The following PLXNC1 variants were observed in gnomAD, a reference collection of about 807,000 sequenced individuals.
PLXNC1 encodes plexin-C1.
PLXNC1 carries 75 observed loss-of-function variants against 178.2 expected under a neutral mutation model. The ratio of observed to expected loss-of-function variants is 0.42; its 90% CI spans 0.35 to 0.51. PLXNC1 has a LOEUF of 0.51. Among genes scored for constraint, PLXNC1 ranks in the 20% least tolerant of loss-of-function variants. PLXNC1 has a pLI of 0.02. For missense variants in PLXNC1, 1,503 were observed against 1,984.4 expected, an observed-to-expected ratio of 0.76 and a Z score of 4.61; for synonymous variants, 790 against 779.9, an observed-to-expected ratio of 1.01 and a Z score of -0.22.
In PLXNC1 at chr12:94,260,532, C is replaced by T. The variant is rs1032162271; in HGVS notation, c.3252-110C>T. 1.5e-6 allele frequency: 1 copy of T among 648,034 alleles called. No homozygotes were observed. 40.1% of individuals were successfully genotyped at this position (648,034 alleles called of 1,614,324 possible). On this transcript the variant is annotated intron_variant, in intron 19 of 30. Coordinates refer to ENST00000258526, the MANE Select transcript of PLXNC1 (RefSeq NM_005761.3). The surrounding 1 kb of genome is among the most constrained non-coding windows in gnomAD (Gnocchi z 4.4). ...ATTAAAAAAAAAAAAAAAAAAGCTC[C>T]CAACCCAACAGGCCAGCTCCCTGCC...
chr12:94,265,851 C>G, intron 21 of PLXNC1, among the ~76,000 whole-genome samples: 1 of 152,080 alleles, frequency 6.6e-6, no homozygotes, highest in Non-Finnish European at 1.5e-5. Flanking sequence ...CCCCACCGCA[C>G]CCACCCCATG....
In PLXNC1 at chr12:94,218,982, G is replaced by A. The variant is rs569758008; in HGVS notation, c.1555-1034G>A. On this transcript the variant is annotated intron_variant, in intron 5 of 30. Transcript: ENST00000258526. ...AAGAGAAACAGATGAAAAAAGTCAT[G>A]TGTTTGGATGGGAATAATTAATATC... Among the ~76,000 whole-genome samples the A allele has an allele frequency of 3.1e-4, 47 of 152,302 alleles. No homozygotes were observed. The South Asian group carries it at 5.2e-3, about 17-fold the overall frequency.
At chr12:94,231,901 C>T (rs1276843714) in intron 9 of PLXNC1, among the ~76,000 whole-genome samples, 1 of 152,142 alleles carries the variant, frequency 6.6e-6, no homozygotes, top group Admixed American at 6.6e-5. Flanking sequence ...GATAGTTCCC[C>T]TCTCTTTTGT....
intron 3 of PLXNC1, among the ~76,000 whole-genome samples, chr12:94,184,127 T>C (rs1458876347): frequency 3.4e-5 from 5 of 147,440 alleles, no homozygotes; most frequent in Non-Finnish European, 6.0e-5. Flanking sequence ...CTCTCTCTCT[T>C]TTTTTTTTTT....
intron 1 of PLXNC1, chr12:94,168,382 G>C (rs1434540537): frequency 6.6e-6 from 1 of 152,220 alleles, no homozygotes; most frequent in Non-Finnish European, 1.5e-5. Context: ...AGACATTTTG[G>C]TCGACACTCT....
intron 1 of PLXNC1, among the ~76,000 whole-genome samples, chr12:94,151,664 A>G (rs1423289362): frequency 6.6e-6 from 1 of 152,236 alleles, no homozygotes; most frequent in Non-Finnish European, 1.5e-5. Flanking sequence ...CTCTGGGGTT[A>G]ATGACAAGCC....
intron 5 of PLXNC1, among the ~76,000 whole-genome samples, chr12:94,214,356 G>A (rs1408079461): frequency 6.6e-6 from 1 of 152,122 alleles, no homozygotes; most frequent in Non-Finnish European, 1.5e-5. Flanking sequence ...CAAAGTGCTG[G>A]CATTATAGGC....
intron 1 of PLXNC1, among the ~76,000 whole-genome samples, chr12:94,165,647 T>C (rs1269473788): frequency 6.6e-6 from 1 of 152,174 alleles, no homozygotes; most frequent in Admixed American, 6.5e-5. Context: ...TGGTTCCAAG[T>C]AGCAGAAAAC....
At chr12:94,197,946 T>C (rs925089160) in intron 4 of PLXNC1, among the ~76,000 whole-genome samples, 8 of 152,168 alleles carry the variant, frequency 5.3e-5, no homozygotes, top group Admixed American at 5.2e-4. Flanking sequence ...ACCCTCCATC[T>C]TGAAAGCTTA....
chr12:94,160,520 C>T (rs1310212654), intron 1 of PLXNC1, among the ~76,000 whole-genome samples: 1 of 152,168 alleles, frequency 6.6e-6, no homozygotes, highest in Non-Finnish European at 1.5e-5. Context: ...TGATCATCGC[C>T]CCTTGGTCTT....
At chr12:94,169,677 C>T (rs1468070859) in intron 2 of PLXNC1, among the ~76,000 whole-genome samples, 1 of 152,168 alleles carries the variant, frequency 6.6e-6, no homozygotes, top group Non-Finnish European at 1.5e-5. Flanking sequence ...TTTCTCACAA[C>T]TTGAAAGAGA....
At chr12:94,168,389 C>G (rs1159719454) in intron 1 of PLXNC1, 2 of 152,260 alleles carry the variant, frequency 1.3e-5, no homozygotes. Flanking sequence ...TTGGTCGACA[C>G]TCTCTCTGCT....
rs1323715164 is a variant in PLXNC1 at position 94,297,350 on chromosome 12, AAGGAAAGAGACATCG to A, written c.4005_4019del (p.Arg1337_Lys1341del). ...GATTCGGAAGCATTCCAAGATGTGC[AAGGAAAGAGACATCG>A]AGGGAAGCACAAGTTCAAAGTAAAA... is the stretch of plus-strand genomic sequence containing the variant. On this transcript the variant is annotated inframe_deletion, in exon 26 of 31. Coordinates refer to ENST00000258526, the MANE Select transcript of PLXNC1 (RefSeq NM_005761.3). The A allele has an allele frequency of 6.2e-7, 1 of 1,613,976 alleles. No homozygotes were observed. The highest frequency in any genetic ancestry group is 1.3e-5 in the African/African-American group (1 of 74,928).
At chr12:94,235,276 C>T (rs935867475) in intron 9 of PLXNC1, among the ~76,000 whole-genome samples, 10 of 152,276 alleles carry the variant, frequency 6.6e-5, no homozygotes, top group Middle Eastern at 3.4e-3. Flanking sequence ...GATGATGTGG[C>T]AAGTCCTCTG....
At position 94,259,626 on chromosome 12, in the gene PLXNC1, A is replaced by G. The variant is rs778961879; in HGVS notation, c.3143A>G (p.Asp1048Gly). 3.1e-6 allele frequency: 5 copies of G among 1,607,802 alleles called. No homozygotes were observed. The highest frequency in any genetic ancestry group is 3.4e-5 in the Admixed American group (2 of 59,226). ...TTTTATCAGAACAGAGACGCCAACGACAAGAATGAAAGTCTCACAGCTTTG... is the reference window on the plus strand; with the variant it reads ...TTTTATCAGAACAGAGACGCCAACGGCAAGAATGAAAGTCTCACAGCTTTG... ...TEDMHNRDAN[D>G]KNESLTALDA... Residue 1048 changes from aspartate to glycine, a missense_variant, in exon 19 of 31, where the codon GAC (aspartate) becomes GGC (glycine). Physicochemically the swap from Asp to Gly is moderately conservative, Grantham distance 94. Around this residue, in one of 4 missense-constraint regions of PLXNC1, gnomAD observed 639 missense variants for 979.7 expected, o/e 0.65. Transcript: ENST00000258526.
intron 28 of PLXNC1, among the ~76,000 whole-genome samples, chr12:94,302,567 G>A (rs778595041): frequency 1.3e-5 from 2 of 152,142 alleles, no homozygotes; most frequent in Non-Finnish European, 2.9e-5. Flanking sequence ...ACTAAAAACA[G>A]TTGTTTATGA....
intron 5 of PLXNC1, among the ~76,000 whole-genome samples, chr12:94,215,149 C>T (rs957084098): frequency 2.0e-5 from 3 of 152,202 alleles, no homozygotes; most frequent in African/African-American, 4.8e-5. Flanking sequence ...CTGCCCGCCT[C>T]GGCCTCCCAA....
chr12:94,169,318 A>G (rs1232147478), intron 2 of PLXNC1, 25 bp downstream of exon 2: 1 of 1,604,962 alleles, frequency 6.2e-7, no homozygotes, highest in Admixed American at 1.7e-5. Flanking sequence ...CCTTCTTCAA[A>G]TGTCTATTTT....
chr12:94,226,404 A>G, intron 7 of PLXNC1: 1 of 505,488 alleles, frequency 2.0e-6, no homozygotes, highest in East Asian at 3.5e-5. Context: ...CCATGGCAAC[A>G]CCCCTGCAGG....
Sources: gnomAD v4.1 joint callset for allele counts (sites outside exome capture counted in the v4.1 genomes callset) on GRCh38, gnomAD v4.1.1 for gene constraint, gnomAD v4.1.1 regional missense constraint, Gnocchi (gnomAD v3.1) non-coding constraint, MANE v1.5 for transcripts, NCBI Gene and HGNC (gene_info 2026-07-23, HGNC 2026-07-21) for gene names.